Variants in SPEF2 observed in about 807,000 individuals in gnomAD.
SPEF2 encodes sperm flagella and cilia-associated protein 2.
Under a neutral mutation model 224.6 loss-of-function variants are expected in SPEF2, and 187 were observed. The ratio of observed to expected loss-of-function variants is 0.83; its 90% CI spans 0.74 to 0.94. The LOEUF (loss-of-function observed/expected upper bound fraction) is 0.94. SPEF2 is among the 40% of genes least tolerant of loss of function. The pLI is 0.00. For missense variants in SPEF2, 2,170 were observed against 2,135.6 expected, an observed-to-expected ratio of 1.02 and a Z score of -0.32; for synonymous variants, 715 against 707.3, an observed-to-expected ratio of 1.01 and a Z score of -0.17.
chr5:35,666,104 G>A (rs1263656049), intron 8 of SPEF2, among the ~76,000 whole-genome samples: 1 of 152,122 alleles, frequency 6.6e-6, no homozygotes, highest in Non-Finnish European at 1.5e-5. Context: ...ACTTGCCCAA[G>A]GTCTCACAGC....
chr5:35,799,903 T>A, intron 33 of SPEF2, 65 bp from the exon 34 acceptor site: 1 of 1,564,818 alleles, frequency 6.4e-7, no homozygotes, highest in South Asian at 1.2e-5. Context: ...GATTCTTCAT[T>A]GCATGACTAA....
intron 30 of SPEF2, among the ~76,000 whole-genome samples, chr5:35,791,913 A>G (rs1313238234): frequency 6.6e-6 from 1 of 152,158 alleles, no homozygotes; most frequent in East Asian, 1.9e-4. Context: ...CCTTGATTGT[A>G]GTGGTGATCT....
intron 6 of SPEF2, among the ~76,000 whole-genome samples, chr5:35,650,853 T>C (rs1311770993): frequency 6.6e-6 from 1 of 152,206 alleles, no homozygotes; most frequent in African/African-American, 2.4e-5. Context: ...AAAACAACAG[T>C]GAATGAAATT....
intron 20 of SPEF2, among the ~76,000 whole-genome samples, chr5:35,724,014 T>C (rs7730065): frequency 0.015 from 2,265 of 152,294 alleles, 58 homozygotes; most frequent in African/African-American, 0.051. Context: ...CTACCTCTTA[T>C]AAAGTACCTT....
At position 35,697,742 on chromosome 5, in the gene SPEF2, G is replaced by A. The variant is rs1314240979; in HGVS notation, c.2090G>A (p.Gly697Glu). ...AAATCAGAACAGTTGCTGAAGAAAG[G>A]AAAGAGCATTCCTGATGTGCTGCTT... The part of the protein sequence containing the change: ...GAKSEQLLKK[G>E]KSIPDVLLVD... The change falls in exon 15 of 37, where the codon GGA becomes GAA. Residue 697 changes from glycine (G) to glutamate (E), a missense_variant. Gly to Glu is a moderately conservative substitution (Grantham distance 98). Transcript: ENST00000356031. The A allele has an allele frequency of 6.2e-7, 1 of 1,613,368 alleles. No homozygotes were observed. Among genetic ancestry groups the A allele is most frequent in the East Asian group, 2.2e-5 (1 of 44,864 alleles).
At chr5:35,786,065 G>A (rs570373974) in intron 30 of SPEF2, among the ~76,000 whole-genome samples, 1 of 152,226 alleles carries the variant, frequency 6.6e-6, no homozygotes, top group Admixed American at 6.5e-5. Flanking sequence ...AACCACTACA[G>A]CCCAGAGTTC....
chr5:35,663,380 A>G (rs1332439479), intron 8 of SPEF2, among the ~76,000 whole-genome samples: 1 of 152,170 alleles, frequency 6.6e-6, no homozygotes, highest in African/African-American at 2.4e-5. Context: ...TTCAAATTCA[A>G]CATGTTCCAA....
chr5:35,676,386 C>T (rs1288838685), intron 10 of SPEF2, among the ~76,000 whole-genome samples: 2 of 152,082 alleles, frequency 1.3e-5, no homozygotes, highest in African/African-American at 4.8e-5. Flanking sequence ...TCAATCAATT[C>T]CTCGGAATTA....
chr5:35,800,077 G>A lies in SPEF2; in HGVS notation c.4940G>A (p.Arg1647Lys). ...CHPDTVEGVY[R>K]ALSVAVGTHV... ...CCAGACACCGTGGAAGGAGTCTACA[G>A]GGCCCTCAGTGTGGCTGTTGGAACT... Residue 1647 changes from arginine to lysine, a missense_variant, in exon 34 of 37, where the codon AGG becomes AAG. By Grantham distance (26) the Arg-to-Lys change is conservative (BLOSUM62 2). Coordinates refer to ENST00000356031, the MANE Select transcript of SPEF2 (RefSeq NM_024867.4). 2 of 1,614,066 alleles carry A rather than the reference G, an allele frequency of 1.2e-6. No individual in the cohort carries two copies. The highest frequency in any genetic ancestry group is 1.7e-6 in the Non-Finnish European group (2 of 1,180,020).
At chr5:35,697,883 A>C (rs750339231) in intron 15 of SPEF2, 90 bp downstream of exon 15, 58 of 877,216 alleles carry the variant, frequency 6.6e-5, no homozygotes, top group Admixed American at 9.8e-5. Flanking sequence ...TTTTTGTTGT[A>C]ATATCTCATA....
intron 23 of SPEF2, among the ~76,000 whole-genome samples, chr5:35,751,730 A>G (rs576227833): frequency 2.0e-5 from 3 of 152,196 alleles, no homozygotes; most frequent in Non-Finnish European, 4.4e-5. Context: ...CATAAACACA[A>G]TGTCACAGAA....
At chr5:35,671,100 A>G in intron 10 of SPEF2, 1 of 985,422 alleles carries the variant, frequency 1.0e-6, no homozygotes, top group Non-Finnish European at 1.2e-6. Context: ...AAAAATTACA[A>G]AATGAGTCCC....
intron 1 of SPEF2, among the ~76,000 whole-genome samples, chr5:35,623,185 G>A (rs1743765199): frequency 6.6e-6 from 1 of 152,166 alleles, no homozygotes; most frequent in South Asian, 2.1e-4. Flanking sequence ...GCCTTGCTGT[G>A]AAATTGGTTA....
At chr5:35,682,504 A>G (rs72738827) in intron 10 of SPEF2, among the ~76,000 whole-genome samples, 50,152 of 152,104 alleles carry the variant, frequency 0.33, 9,096 homozygotes, top group South Asian at 0.45. Context: ...TGAAATATTT[A>G]GAACATACCA....
intron 30 of SPEF2, chr5:35,788,641 C>A: frequency 1.4e-6 from 1 of 702,940 alleles, no homozygotes; most frequent in East Asian, 2.7e-5. Flanking sequence ...GACTGTCGAG[C>A]CAAGACTGGG....
chr5:35,648,532 G>T (rs545223506), intron 5 of SPEF2, among the ~76,000 whole-genome samples: 2 of 151,894 alleles, frequency 1.3e-5, no homozygotes, highest in African/African-American at 2.4e-5. Flanking sequence ...CTACAGGTCC[G>T]CAAGGCTGCT....
At chr5:35,624,171 T>A (rs143611996) in intron 1 of SPEF2, among the ~76,000 whole-genome samples, 103 of 152,262 alleles carry the variant, frequency 6.8e-4, no homozygotes, top group African/African-American at 2.3e-3. Flanking sequence ...CCTAACATTA[T>A]CACAGAGGCC....
At chr5:35,647,558 T>G (rs4703421) in intron 5 of SPEF2, among the ~76,000 whole-genome samples, 92,005 of 151,874 alleles carry the variant, frequency 0.61, 28,585 homozygotes, top group East Asian at 0.74. Context: ...TATTCATGCA[T>G]GATCCACCGC....
chr5:35,661,740 T>G (rs571997042), intron 8 of SPEF2, among the ~76,000 whole-genome samples: 1 of 152,318 alleles, frequency 6.6e-6, no homozygotes, highest in South Asian at 2.1e-4. Flanking sequence ...TCCATGTCTC[T>G]GCAAAGGACA....
Sources: gnomAD v4.1 joint callset for allele counts (sites outside exome capture counted in the v4.1 genomes callset) on GRCh38, gnomAD v4.1.1 for gene constraint, MANE v1.5 for transcripts, NCBI Gene and HGNC (gene_info 2026-07-23, HGNC 2026-07-21) for gene names.